Variants in TRIM49 observed in about 807,000 individuals in gnomAD.
TRIM49 encodes tripartite motif containing 49, also known as tripartite motif-containing protein 49.
A neutral mutation model predicts 27.4 loss-of-function variants in TRIM49; 5 were observed. The ratio of observed to expected loss-of-function variants is 0.18; its 90% confidence interval spans 0.10 to 0.38. TRIM49 has a LOEUF of 0.38. Among genes scored for constraint, TRIM49 ranks in the 10% least tolerant of loss-of-function variants. TRIM49 has a pLI of 1.00. For missense variants in TRIM49, 188 were observed against 487.5 expected, an observed-to-expected ratio of 0.39 and a Z score of 5.79; for synonymous variants, 69 against 166.0, an observed-to-expected ratio of 0.42 and a Z score of 4.49.
chr11:89,783,717 A>G, the TRIM49 span, among the ~76,000 whole-genome samples: 7 of 147,048 alleles, frequency 4.8e-5, 3 homozygotes, highest in African/African-American at 1.8e-4. Context: ...AAGAATCCAG[A>G]TGATAGAGAA....
At chr11:89,786,458 C>G in the TRIM49 span, 8 of 151,728 alleles carry the variant, frequency 5.3e-5, no homozygotes, top group Admixed American at 2.7e-4. Flanking sequence ...TCAGCCTTGC[C>G]CTTCCTGCGT....
chr11:89,802,966 A>G (rs1164192966), intron 4 of TRIM49, among the ~76,000 whole-genome samples: 1 of 150,424 alleles, frequency 6.6e-6, no homozygotes, highest in Non-Finnish European at 1.5e-5. Context: ...TTCTAATTTA[A>G]TATTCAACAT....
rs367763716 is a variant in TRIM49, at chr11:89,798,572, A to C, written c.917T>G (p.Leu306Trp). ...ANNDIFLYEI[L>W]RSMCIGCDHQ... ...GTCACATCCAATACACATGCTTCTC[A>C]AAATTTCATACAGAAAGATATCATT... Residue 306 changes from leucine (L) to tryptophan (W), a missense_variant, in exon 8 of 8, where the codon TTG becomes TGG. This residue lies in a region of TRIM49 where 94 missense variants were observed against 149.6 expected (regional missense o/e 0.63). Transcript: ENST00000329758. 2 of 1,554,072 alleles carry C rather than the reference A, an allele frequency of 1.3e-6. No individual in the cohort carries two copies. Among genetic ancestry groups the C allele is most frequent in the African/African-American group, 3.4e-5 (2 of 58,966 alleles).
chr11:89,782,735 C>G, the TRIM49 span, among the ~76,000 whole-genome samples: 2 of 130,280 alleles, frequency 1.5e-5, no homozygotes, highest in Non-Finnish European at 3.4e-5. Flanking sequence ...TTTATCACTT[C>G]CAGAAGAATC....
At chr11:89,769,450 A>G in the TRIM49 span, among the ~76,000 whole-genome samples, 1 of 136,762 alleles carries the variant, frequency 7.3e-6, no homozygotes, top group East Asian at 2.1e-4. Context: ...TTCTCTGCCT[A>G]GTTACCAGTA....
At chr11:89,772,093 C>G in the TRIM49 span, among the ~76,000 whole-genome samples, 1 of 133,300 alleles carries the variant, frequency 7.5e-6, no homozygotes, top group Non-Finnish European at 1.5e-5. Flanking sequence ...TCTCTGATTA[C>G]TCAACATGAA....
At chr11:89,789,694 G>A in the TRIM49 span, 2 of 152,070 alleles carry the variant, frequency 1.3e-5, no homozygotes, top group Non-Finnish European at 1.5e-5. Flanking sequence ...GGGTTGATGT[G>A]GCATCTGACC....
intron 2 of TRIM49, among the ~76,000 whole-genome samples, chr11:89,805,872 T>C (rs1202542675): frequency 1.3e-5 from 2 of 149,574 alleles, no homozygotes; most frequent in Non-Finnish European, 3.0e-5. Context: ...AACGTGACAC[T>C]AGGCCTGGCT....
chr11:89,793,128 T>A (rs1347288983), downstream of TRIM49, among the ~76,000 whole-genome samples: 1 of 152,126 alleles, frequency 6.6e-6, no homozygotes, highest in African/African-American at 2.4e-5. Flanking sequence ...TCTATGCAAA[T>A]AAACTAGAAA....
chr11:89,807,474 A>G (rs1949796656), intron 1 of TRIM49, among the ~76,000 whole-genome samples, 190 bp from the exon 2 acceptor site: 1 of 151,308 alleles, frequency 6.6e-6, no homozygotes, highest in Admixed American at 6.6e-5. Flanking sequence ...GAGCATACAT[A>G]GGCTAGAAAT....
chr11:89,792,605 C>A, the TRIM49 span, among the ~76,000 whole-genome samples: 12 of 152,090 alleles, frequency 7.9e-5, no homozygotes, highest in Non-Finnish European at 1.8e-4. Flanking sequence ...CAAAACCGCT[C>A]AACTACATGG....
At chr11:89,801,076 T>G in intron 5 of TRIM49, 88 bp from the exon 6 acceptor site, 1 of 1,323,078 alleles carries the variant, frequency 7.6e-7, no homozygotes. Context: ...ACTCAGTTTC[T>G]GAAGATATTA....
chr11:89,802,229 A>C lies in TRIM49; in HGVS notation c.508-297T>G, dbSNP rs1452085675. 4.5e-4 allele frequency among the ~76,000 whole-genome samples: 67 copies of C among 148,932 alleles called. 4 individuals carry two copies. The highest frequency in any genetic ancestry group is 6.1e-4 in the Non-Finnish European group (41 of 67,350). The stretch of plus-strand genomic sequence containing the variant: ...ATTTATGGCAAAGTAAGAACAGTTC[A>C]TGCTTGAGAGTTGGAGTATAGGGCT... On this transcript the variant is annotated intron_variant, in intron 4 of 7. Transcript: ENST00000329758.
At chr11:89,805,406 A>G (rs1949781394) in intron 2 of TRIM49, among the ~76,000 whole-genome samples, 1 of 150,390 alleles carries the variant, frequency 6.6e-6, no homozygotes, top group Non-Finnish European at 1.5e-5. Flanking sequence ...TGGTGAGCTG[A>G]GTGGGAGCCT....
chr11:89,774,065 A>C, the TRIM49 span, among the ~76,000 whole-genome samples: 1 of 146,192 alleles, frequency 6.8e-6, no homozygotes, highest in Non-Finnish European at 1.5e-5. Flanking sequence ...CAGTGGTGCT[A>C]TCTCGGCTCA....
chr11:89,776,632 T>C, the TRIM49 span, among the ~76,000 whole-genome samples: 1 of 151,222 alleles, frequency 6.6e-6, no homozygotes, highest in South Asian at 2.1e-4. Context: ...AACATTTACA[T>C]TGTATTAGGC....
chr11:89,797,541 C>A (rs1339457460), downstream of TRIM49: 4 of 151,556 alleles, frequency 2.6e-5, no homozygotes, highest in African/African-American at 9.8e-5. Context: ...ATTAATCCAG[C>A]ATTGGTCTGA....
At chr11:89,800,711 C>T (rs1395777307) in intron 6 of TRIM49, among the ~76,000 whole-genome samples, 16 of 150,550 alleles carry the variant, frequency 1.1e-4, no homozygotes, top group Non-Finnish European at 1.9e-4. Flanking sequence ...CCATTGCACT[C>T]CAGCCTGGGC....
chr11:89,774,202 A>G, the TRIM49 span, among the ~76,000 whole-genome samples: 30 of 150,784 alleles, frequency 2.0e-4, 1 homozygote, highest in African/African-American at 5.2e-4. Context: ...GAGTTTCACT[A>G]TCTTGGCCAG....
Sources: gnomAD v4.1 joint callset for allele counts (sites outside exome capture counted in the v4.1 genomes callset) on GRCh38, gnomAD v4.1.1 for gene constraint, gnomAD v4.1.1 regional missense constraint, MANE v1.5 for transcripts, NCBI Gene and HGNC (gene_info 2026-07-23, HGNC 2026-07-21) for gene names.